The following TRAPPC10 variants were observed in gnomAD, a reference collection of about 807,000 sequenced individuals.
TRAPPC10 encodes the protein trafficking protein particle complex subunit 10, also known as TRAPP 130 kDa subunit.
A neutral mutation model predicts 125.5 loss-of-function variants in TRAPPC10; 23 were observed. The ratio of observed to expected loss-of-function variants is 0.18; its 90% CI spans 0.13 to 0.26. The LOEUF is 0.26. Among genes scored for constraint, TRAPPC10 ranks in the 10% least tolerant of loss-of-function variants. TRAPPC10 has a pLI of 1.00. For synonymous variants in TRAPPC10, 509 were observed against 518.0 expected (o/e 0.98, Z 0.24); for missense variants, 1,123 against 1,308.4 (o/e 0.86, Z 2.19).
intron 2 of TRAPPC10, among the ~76,000 whole-genome samples, chr21:44,034,680 G>A (rs917749528): frequency 6.6e-5 from 10 of 152,300 alleles, no homozygotes; most frequent in African/African-American, 2.4e-4. Flanking sequence ...TGGAATAAGG[G>A]TCTTCGCAGA....
intron 1 of TRAPPC10, among the ~76,000 whole-genome samples, chr21:44,015,820 G>A (rs1345248080): frequency 1.3e-5 from 2 of 151,892 alleles, no homozygotes; most frequent in Admixed American, 1.3e-4. Flanking sequence ...CACCTTGTTG[G>A]CCAGGCAGGT....
chr21:44,063,508 C>A lies in TRAPPC10; in HGVS notation c.791-30C>A. On this transcript the variant is annotated intron_variant, in intron 6 of 22. Transcript: ENST00000291574. This position sits in a 1 kb window ranked among gnomAD's most constrained non-coding sequence, Gnocchi z 4.4. ...CTCAGGAAGGTGAAGTACCTGCAAT[C>A]AGCACCTTTCATGATGTGTGTTTGT... 6.2e-7 allele frequency: 1 copy of A among 1,608,762 alleles called. No individual in the cohort carries two copies. Among genetic ancestry groups the A allele is most frequent in the South Asian group, 1.1e-5 (1 of 90,238 alleles).
chr21:44,031,489 G>C (rs2033576860), intron 1 of TRAPPC10, among the ~76,000 whole-genome samples: 1 of 152,226 alleles, frequency 6.6e-6, no homozygotes, highest in African/African-American at 2.4e-5. Context: ...GCCACTGTCA[G>C]CTCTGTGCAC....
chr21:44,057,351 G>A (rs539265399), intron 5 of TRAPPC10, among the ~76,000 whole-genome samples: 15 of 151,668 alleles, frequency 9.9e-5, no homozygotes, highest in African/African-American at 7.3e-5. Context: ...AAGGGCTGGC[G>A]TGCAGTGGTG....
Position 44,064,302 on chromosome 21 carries a change from TATGTGTGTGTGTGTGTG to T in TRAPPC10, c.1038+518_1038+534del, listed in dbSNP as rs2036270765. Among the ~76,000 whole-genome samples, 5 of 128,310 alleles carry T rather than the reference TATGTGTGTGTGTGTGTG, an allele frequency of 3.9e-5. No homozygotes were observed. The South Asian group carries it at 1.3e-3, about 34-fold the overall frequency. 84.2% of individuals were successfully genotyped at this position (128,310 alleles called of 152,430 possible). A position where few individuals can be genotyped will look rare whatever the true frequency, so the allele number is the denominator to read the frequency against. Reference sequence around the variant, plus strand: ...AGCTTCATGGAAGATATGTCATAAATATGTGTGTGTGTGTGTGTGTGTGTGTGTGTGTGTGTGAGTGT... The same window carrying T: ...AGCTTCATGGAAGATATGTCATAAATTGTGTGTGTGTGTGTGTGTGAGTGT... On this transcript the variant is annotated intron_variant, in intron 7 of 22. Transcript: ENST00000291574.
intron 3 of TRAPPC10, among the ~76,000 whole-genome samples, chr21:44,044,543 CT>C (rs148360254): frequency 0.026 from 3,873 of 151,808 alleles, 106 homozygotes; most frequent in East Asian, 0.097. Flanking sequence ...CCCTCCCAGC[CT>C]TTGTTATTGT....
chr21:44,043,492 G>T (rs1452608485), intron 3 of TRAPPC10, among the ~76,000 whole-genome samples: 1 of 152,114 alleles, frequency 6.6e-6, no homozygotes, highest in African/African-American at 2.4e-5. Flanking sequence ...GATTGCAAGC[G>T]TGAGCCACCG....
At position 44,084,259 on chromosome 21, in the gene TRAPPC10, G is replaced by A. The variant is rs781563866; in HGVS notation, c.2376G>A (p.Leu792=). 6.2e-7 allele frequency: 1 copy of A among 1,613,428 alleles called. No homozygotes were observed. The highest frequency in any genetic ancestry group is 8.5e-7 in the Non-Finnish European group (1 of 1,179,804). Residue 792 remains leucine, a synonymous_variant, in exon 15 of 23, where the codon CTG becomes CTA. Transcript: ENST00000291574. The stretch of plus-strand genomic sequence containing the variant: ...AGCCCCAGCTGCACGTGGAGCCGCT[G>A]GCTGGTGAGTGGGGTCCCCAGCCTT... The part of the protein sequence containing the change: ...SQEPQLHVEP[L]ADSLLAGIPQ...
chr21:44,060,915 T>TACATACATAC (rs60633801), intron 6 of TRAPPC10, among the ~76,000 whole-genome samples: 7 of 132,192 alleles, frequency 5.3e-5, no homozygotes, highest in South Asian at 2.5e-4. Flanking sequence ...CATACATACA[T>TACATACATAC]ACACACACAC....
intron 1 of TRAPPC10, among the ~76,000 whole-genome samples, chr21:44,023,593 G>C (rs144414189): frequency 6.6e-6 from 1 of 152,028 alleles, no homozygotes; most frequent in Non-Finnish European, 1.5e-5. Flanking sequence ...AAGATGTTCC[G>C]GGCTCATTTT....
intron 1 of TRAPPC10, among the ~76,000 whole-genome samples, chr21:44,031,435 G>C (rs1165434063): frequency 6.6e-6 from 1 of 152,178 alleles, no homozygotes; most frequent in African/African-American, 2.4e-5. Flanking sequence ...AACACTGAGC[G>C]TGCAGCGTAA....
intron 6 of TRAPPC10, chr21:44,062,792 G>T: frequency 1.0e-6 from 1 of 985,448 alleles, no homozygotes; most frequent in Non-Finnish European, 1.2e-6. Flanking sequence ...AGTGAAGGGA[G>T]CGTTTAACCA....
intron 3 of TRAPPC10, among the ~76,000 whole-genome samples, chr21:44,049,987 C>T (rs899460469): frequency 6.6e-6 from 1 of 151,806 alleles, no homozygotes; most frequent in African/African-American, 2.4e-5. Flanking sequence ...TCATACAATT[C>T]TCCTGCCTCA....
chr21:44,029,699 A>T (rs1463587500), intron 1 of TRAPPC10, among the ~76,000 whole-genome samples: 1 of 152,216 alleles, frequency 6.6e-6, no homozygotes, highest in East Asian at 1.9e-4. Flanking sequence ...AGGCAGCCAC[A>T]GCATGGGCCT....
intron 3 of TRAPPC10, among the ~76,000 whole-genome samples, chr21:44,045,175 C>T (rs143204893): frequency 2.6e-4 from 39 of 152,112 alleles, no homozygotes; most frequent in East Asian, 2.3e-3. Context: ...CCTTGTGATC[C>T]GCCCGCCTCT....
intron 7 of TRAPPC10, among the ~76,000 whole-genome samples, chr21:44,065,364 C>T (rs1038243702): frequency 2.6e-5 from 4 of 152,140 alleles, no homozygotes; most frequent in East Asian, 3.9e-4. Context: ...GGCTTTGTAT[C>T]GTGTGAGGAG....
rs59292357 is a variant in TRAPPC10 at position 44,075,187 on chromosome 21, G to A, written c.1300+34G>A. 2.1e-3 allele frequency: 3,122 copies of A among 1,463,842 alleles called. 59 individuals carry two copies. The African/African-American group carries it at 0.038, about 18-fold the overall frequency. 90.7% of individuals were successfully genotyped at this position (1,463,842 alleles called of 1,614,324 possible). A position where few individuals can be genotyped will look rare whatever the true frequency, so the allele number is the denominator to read the frequency against. On this transcript the variant is annotated intron_variant, in intron 9 of 22. Transcript: ENST00000291574. ...TTGTATATACCTGTGTGAGTGGTGA[G>A]GTGGACAGTAATGAAAATGTCCTTT...
intron 4 of TRAPPC10, among the ~76,000 whole-genome samples, chr21:44,055,329 C>G (rs987186654): frequency 6.6e-6 from 1 of 152,074 alleles, no homozygotes; most frequent in Non-Finnish European, 1.5e-5. Context: ...GTGGCTTATG[C>G]CTATAATCCC....
At chr21:44,044,083 G>C (rs1179597186) in intron 3 of TRAPPC10, among the ~76,000 whole-genome samples, 2 of 152,230 alleles carry the variant, frequency 1.3e-5, no homozygotes, top group African/African-American at 2.4e-5. Context: ...TTGAAAAAGA[G>C]AAGGCTGGAG....
Sources: gnomAD v4.1 joint callset for allele counts (sites outside exome capture counted in the v4.1 genomes callset) on GRCh38, gnomAD v4.1.1 for gene constraint, Gnocchi (gnomAD v3.1) non-coding constraint, MANE v1.5 for transcripts, NCBI Gene and HGNC (gene_info 2026-07-23, HGNC 2026-07-21) for gene names.